The following SKI variants were observed in gnomAD, a reference collection of about 807,000 sequenced individuals.
SKI encodes the protein ski oncogene.
A neutral mutation model predicts 59.3 loss-of-function variants in SKI; 23 were observed. That is an observed-to-expected ratio of 0.39 (90% CI 0.28 to 0.55). The LOEUF (loss-of-function observed/expected upper bound fraction) is 0.55, where lower values mean the gene tolerates loss of function less well. Ranked by LOEUF, SKI falls within the 20% of genes least tolerant of loss-of-function variation. The pLI, the probability that SKI is intolerant of heterozygous loss-of-function variation, is 0.67. For synonymous variants in SKI, 673 were observed against 488.6 expected, an observed-to-expected ratio of 1.38 and a Z score of -4.98; for missense variants, 1,017 against 1,038.9, an observed-to-expected ratio of 0.98 and a Z score of 0.29.
chr1:2,269,886 C>CCTGTGGCTGGCGTGGGTCTGGCGGGTCTG lies in SKI; in HGVS notation c.970-33092_970-33091insCTGTGGCTGGCGTGGGTCTGGCGGGTCTG, dbSNP rs1639579650. Among the ~76,000 whole-genome samples, 6 of 33,634 alleles carry CCTGTGGCTGGCGTGGGTCTGGCGGGTCTG rather than the reference C, an allele frequency of 1.8e-4. 2 individuals carry two copies. The highest frequency in any genetic ancestry group is 2.2e-3 in the East Asian group (2 of 922). The allele number at this position is 33,634 out of a possible 152,430, so 22.1% of individuals were successfully genotyped here. On this transcript the variant is annotated intron_variant, in intron 1 of 6. Coordinates refer to ENST00000378536, the MANE Select transcript of SKI (RefSeq NM_003036.4). This position sits in a 1 kb window ranked among gnomAD's most constrained non-coding sequence, Gnocchi z 4.7. The stretch of plus-strand genomic sequence containing the variant: ...TGGCTGGCGTGGGTCTGGCGGGTCT[C>CCTGTGGCTGGCGTGGGTCTGGCGGGTCTG]GTGGTGCCTGTGGCTGGCGTGGGTC...
At chr1:2,301,400 TC>T (rs1640421389) in intron 1 of SKI, among the ~76,000 whole-genome samples, 1 of 150,614 alleles carries the variant, frequency 6.6e-6, no homozygotes, top group Admixed American at 6.6e-5. Context: ...CTGCCCTGCG[TC>T]CCCGGCCCTG....
In SKI at chr1:2,304,438, G is replaced by A. The variant is rs529842293; in HGVS notation, c.1620G>A (p.Ala540=). ...APADAPSGLE[A]ELEHLRQALE... ...CCGACGCCCCCAGTGGGCTGGAGGC[G>A]GAGCTGGAGCACCTGCGGCAGGCAC... The change falls in exon 5 of 7, where the codon GCG becomes GCA. Residue 540 remains alanine, a synonymous_variant. Coordinates refer to ENST00000378536, the MANE Select transcript of SKI (RefSeq NM_003036.4). The A allele has an allele frequency of 1.0e-5, 16 of 1,561,152 alleles. No homozygotes were observed. The highest frequency in any genetic ancestry group is 1.7e-4 in the Middle Eastern group (1 of 6,004).
At chr1:2,305,377 G>C (rs1047343674) in intron 5 of SKI, among the ~76,000 whole-genome samples, 1 of 152,198 alleles carries the variant, frequency 6.6e-6, no homozygotes, top group Non-Finnish European at 1.5e-5. Context: ...CGCGGCGTGG[G>C]CTTTAGCACA....
chr1:2,235,263 C>G (rs987558160), intron 1 of SKI, among the ~76,000 whole-genome samples: 1 of 152,098 alleles, frequency 6.6e-6, no homozygotes, highest in Non-Finnish European at 1.5e-5. Context: ...AGCCTGGTCT[C>G]GAACTCCTGA....
At chr1:2,305,061 C>T (rs1640533254) in intron 5 of SKI, among the ~76,000 whole-genome samples, 1 of 152,218 alleles carries the variant, frequency 6.6e-6, no homozygotes, top group Non-Finnish European at 1.5e-5. Flanking sequence ...GGCGTGCTTA[C>T]TAATGCCTGG....
chr1:2,288,516 T>A (rs1454715936), intron 1 of SKI, among the ~76,000 whole-genome samples: 2 of 152,348 alleles, frequency 1.3e-5, no homozygotes, highest in East Asian at 1.9e-4. Flanking sequence ...TCGTTTCCTG[T>A]GGGAGTGGCT....
chr1:2,300,601 C>A (rs957708522), intron 1 of SKI, among the ~76,000 whole-genome samples: 1 of 152,210 alleles, frequency 6.6e-6, no homozygotes, highest in African/African-American at 2.4e-5. Flanking sequence ...AGGTGACAGT[C>A]CCTCTGAGAG....
intron 1 of SKI, among the ~76,000 whole-genome samples, chr1:2,231,007 C>G (rs371842114): frequency 6.6e-6 from 1 of 152,108 alleles, no homozygotes; most frequent in Non-Finnish European, 1.5e-5. Context: ...GCTTCTGACC[C>G]TGCCAGGCCA....
At chr1:2,300,333 A>G (rs1425641019) in intron 1 of SKI, among the ~76,000 whole-genome samples, 1 of 152,216 alleles carries the variant, frequency 6.6e-6, no homozygotes, top group African/African-American at 2.4e-5. Context: ...TTGGTGTGTC[A>G]GGTCCAGAGC....
chr1:2,287,887 C>T (rs1319220755), intron 1 of SKI, among the ~76,000 whole-genome samples: 4 of 152,248 alleles, frequency 2.6e-5, no homozygotes, highest in South Asian at 2.1e-4. Context: ...CCACCCCGAG[C>T]CCTGAGCCCC....
chr1:2,300,345 G>A (rs774609640), intron 1 of SKI, among the ~76,000 whole-genome samples: 4 of 152,114 alleles, frequency 2.6e-5, no homozygotes, highest in Admixed American at 1.3e-4. Flanking sequence ...GTCCAGAGCC[G>A]TGCTCCTGCC....
Position 2,270,371 on chromosome 1 carries a change from C to A in SKI, c.970-32607C>A, listed in dbSNP as rs1639590493. Among the ~76,000 whole-genome samples the A allele has an allele frequency of 6.6e-6, 1 of 152,214 alleles. No individual in the cohort carries two copies. The highest frequency in any genetic ancestry group is 2.4e-5 in the African/African-American group (1 of 41,462). ...GAGGCAGCCGTTGGACAGTGCCCAT[C>A]TTGAATGCAGCCCTGGTGACCTGAA... On this transcript the variant is annotated intron_variant, in intron 1 of 6. Coordinates refer to ENST00000378536, the MANE Select transcript of SKI (RefSeq NM_003036.4). This position sits in a 1 kb window ranked among gnomAD's most constrained non-coding sequence, Gnocchi z 4.1.
chr1:2,256,901 G>A lies in SKI; in HGVS notation c.969+27166G>A, dbSNP rs142047630. ...GGCCCTTGTCAGGTTTTTGTTGCCA[G>A]GAGGCTCGCGCCCCGATCTTCGGGA... is the stretch of plus-strand genomic sequence containing the variant. On this transcript the variant is annotated intron_variant, in intron 1 of 6. Coordinates refer to ENST00000378536, the MANE Select transcript of SKI (RefSeq NM_003036.4). Among the ~76,000 whole-genome samples, 733 of 152,334 alleles carry A rather than the reference G, an allele frequency of 4.8e-3. 5 individuals are homozygous for A. Among genetic ancestry groups the A allele is most frequent in the African/African-American group, 0.017 (707 of 41,570 alleles).
chr1:2,263,234 A>AT lies in SKI; in HGVS notation c.969+33519dup, dbSNP rs35975887. 7.6e-3 allele frequency among the ~76,000 whole-genome samples: 903 copies of AT among 118,462 alleles called. 8 individuals are homozygous for AT. The highest frequency in any genetic ancestry group is 0.017 in the African/African-American group (531 of 30,548). The allele number at this position is 118,462 out of a possible 152,430, so 77.7% of individuals were successfully genotyped here. ...TTTATTTGCTAAAATTTTGCTTAGA[A>AT]TTTTTTTTTTTTTTTTTTTTGGAGA... is the stretch of plus-strand genomic sequence containing the variant. On this transcript the variant is annotated intron_variant, in intron 1 of 6. Transcript: ENST00000378536.
intron 1 of SKI, among the ~76,000 whole-genome samples, chr1:2,275,983 G>T (rs1639734323): frequency 6.6e-6 from 1 of 152,162 alleles, no homozygotes; most frequent in African/African-American, 2.4e-5. Context: ...GGGAAATCAG[G>T]CTGGTCCTGG....
chr1:2,236,660 C>G (rs1372290462), intron 1 of SKI, among the ~76,000 whole-genome samples: 1 of 152,218 alleles, frequency 6.6e-6, no homozygotes, highest in Non-Finnish European at 1.5e-5. Flanking sequence ...CCACCTCGGC[C>G]TCCCAAAGTG....
In SKI at chr1:2,307,023, G is replaced by A. The variant is rs1182179018; in HGVS notation, c.*258G>A. ...CAGCTCGGCGGCCTGCTGGTCCTCT[G>A]CTTGCTGGAACATTCTAACATTTAC... On this transcript the variant is annotated 3_prime_UTR_variant, in exon 7 of 7. Coordinates refer to ENST00000378536, the MANE Select transcript of SKI (RefSeq NM_003036.4). 1.0e-5 allele frequency: 3 copies of A among 291,878 alleles called. No homozygotes were observed. The highest frequency in any genetic ancestry group is 1.3e-5 in the Non-Finnish European group (2 of 157,808). The allele number at this position is 291,878 out of a possible 1,614,324, so 18.1% of individuals were successfully genotyped here. A position where few individuals can be genotyped will look rare whatever the true frequency, so the allele number is the denominator to read the frequency against.
chr1:2,272,109 G>C (rs1639635874), intron 1 of SKI, among the ~76,000 whole-genome samples: 1 of 152,180 alleles, frequency 6.6e-6, no homozygotes, highest in Admixed American at 6.5e-5. Flanking sequence ...AAAGAGGCCG[G>C]GTCAAAAGGT....
Position 2,303,722 on chromosome 1 carries a change from G to A in SKI, c.1212-118G>A, listed in dbSNP as rs947056351. ...TAGGGAACTGTAAGCTTGACTTGAA[G>A]ATTCGGAGCTGGGAAAGTCTTTCCT... On this transcript the variant is annotated intron_variant, in intron 3 of 6. Transcript: ENST00000378536. This position sits in a 1 kb window ranked among gnomAD's most constrained non-coding sequence, Gnocchi z 5.6. 11 of 1,369,966 alleles carry A rather than the reference G, an allele frequency of 8.0e-6. No individual in the cohort carries two copies. The highest frequency in any genetic ancestry group is 1.1e-5 in the Non-Finnish European group (11 of 991,630). The allele number at this position is 1,369,966 out of a possible 1,614,324, so 84.9% of individuals were successfully genotyped here.
Sources: gnomAD v4.1 joint callset for allele counts (sites outside exome capture counted in the v4.1 genomes callset) on GRCh38, gnomAD v4.1.1 for gene constraint, Gnocchi (gnomAD v3.1) non-coding constraint, MANE v1.5 for transcripts, NCBI Gene and HGNC (gene_info 2026-07-23, HGNC 2026-07-21) for gene names.